The following PCSK5 variants were observed in gnomAD, a reference collection of about 807,000 sequenced individuals.
The protein encoded by PCSK5 is prohormone convertase 5.
A neutral mutation model predicts 233.2 loss-of-function variants in PCSK5; 129 were observed. That is an observed-to-expected ratio of 0.55 (90% CI 0.48 to 0.64). The LOEUF is 0.64. PCSK5 is among the 30% of genes least tolerant of loss of function. The pLI is 0.00. For synonymous variants in PCSK5, 825 were observed against 879.2 expected (o/e 0.94, Z 1.09); for missense variants, 2,076 against 2,430.1 (o/e 0.85, Z 3.06).
At chr9:76,339,542 A>G (rs1489293410) in intron 35 of PCSK5, among the ~76,000 whole-genome samples, 1 of 151,964 alleles carries the variant, frequency 6.6e-6, no homozygotes, top group East Asian at 1.9e-4. Flanking sequence ...TAAACTTTTA[A>G]TAAGTGTTTT....
chr9:76,120,787 A>G (rs986584513), intron 9 of PCSK5, among the ~76,000 whole-genome samples: 10 of 151,972 alleles, frequency 6.6e-5, no homozygotes, highest in African/African-American at 2.2e-4. Context: ...ATTAGTCATT[A>G]TAAGTTCAGA....
chr9:76,315,153 C>G (rs967528287), intron 30 of PCSK5, among the ~76,000 whole-genome samples: 1 of 152,058 alleles, frequency 6.6e-6, no homozygotes, highest in Admixed American at 6.5e-5. Context: ...GGGGTTTCAC[C>G]ACGTTGGCCA....
At chr9:76,325,644 C>CTTTCTTTTTTTTTTTTT (rs1230191426) in intron 32 of PCSK5, among the ~76,000 whole-genome samples, 2,474 of 150,192 alleles carry the variant, frequency 0.016, 94 homozygotes, top group African/African-American at 0.056. Flanking sequence ...ATTGCACTTT[C>CTTTCTTTTTTTTTTTTT]TTTTTTTTGA....
chr9:76,026,192 A>AT (rs973224659), intron 4 of PCSK5, among the ~76,000 whole-genome samples: 2 of 152,064 alleles, frequency 1.3e-5, no homozygotes, highest in East Asian at 1.9e-4. Context: ...GTAACTAGTA[A>AT]TTTTTTTTCA....
chr9:76,066,314 G>GT (rs1008992698), intron 5 of PCSK5, among the ~76,000 whole-genome samples: 1 of 151,974 alleles, frequency 6.6e-6, no homozygotes, highest in African/African-American at 2.4e-5. Flanking sequence ...TCTTTGATCC[G>GT]TTTTTTATAG....
At chr9:75,897,146 G>A (rs900746184) in intron 1 of PCSK5, among the ~76,000 whole-genome samples, 7 of 152,146 alleles carry the variant, frequency 4.6e-5, no homozygotes, top group Non-Finnish European at 1.0e-4. Flanking sequence ...AGATGAGTGT[G>A]TATTAGCTAA....
At chr9:76,026,453 A>C (rs1245159740) in intron 4 of PCSK5, among the ~76,000 whole-genome samples, 1 of 152,204 alleles carries the variant, frequency 6.6e-6, no homozygotes, top group African/African-American at 2.4e-5. Flanking sequence ...TAAAGATCGA[A>C]TATTGATTTT....
Position 76,358,538 on chromosome 9 carries a change from G to A in PCSK5, c.5280G>A (p.Lys1760=). 6.2e-7 allele frequency: 1 copy of A among 1,612,434 alleles called. No individual in the cohort carries two copies. Among genetic ancestry groups the A allele is most frequent in the Middle Eastern group, 1.7e-4 (1 of 6,058 alleles). ...ACGAATGCATCCTTCGAACAAGCAA[G>A]GTTAGGCCTGCAACTGAGCATTTCA... ...TTDECILRTS[K]VRPATEHFKT... Residue 1760 remains lysine (K), a synonymous_variant, in exon 38 of 38, where the codon AAG becomes AAA. Coordinates refer to ENST00000674117, the MANE Select transcript of PCSK5 (RefSeq NM_001372043.1).
intron 7 of PCSK5, among the ~76,000 whole-genome samples, chr9:76,075,017 C>T (rs190235524): frequency 6.0e-4 from 91 of 152,062 alleles, no homozygotes; most frequent in East Asian, 3.9e-4. Flanking sequence ...GTCAGGAGTT[C>T]GAGATCAGCC....
intron 3 of PCSK5, among the ~76,000 whole-genome samples, chr9:75,999,615 G>T (rs1440545555): frequency 2.6e-5 from 4 of 152,246 alleles, no homozygotes; most frequent in Non-Finnish European, 1.5e-5. Flanking sequence ...ATGCCTTTAA[G>T]CGGTTTTCCG....
intron 2 of PCSK5, among the ~76,000 whole-genome samples, chr9:75,964,422 A>C (rs1825488617): frequency 1.3e-5 from 2 of 152,194 alleles, no homozygotes; most frequent in South Asian, 4.2e-4. Context: ...CCTCTTTCTG[A>C]CATTATCTTA....
chr9:75,918,906 G>A (rs770781512), intron 1 of PCSK5, among the ~76,000 whole-genome samples: 3 of 151,956 alleles, frequency 2.0e-5, no homozygotes, highest in African/African-American at 4.8e-5. Flanking sequence ...CTTTCCTTTT[G>A]CATTACCTTT....
intron 10 of PCSK5, among the ~76,000 whole-genome samples, chr9:76,141,308 ACAAT>A (rs1178142595): frequency 1.3e-5 from 2 of 152,130 alleles, no homozygotes; most frequent in Non-Finnish European, 2.9e-5. Flanking sequence ...TTAAAATTCA[ACAAT>A]CATTTTCTTA....
chr9:75,918,032 CAA>C, intron 1 of PCSK5, among the ~76,000 whole-genome samples: 1 of 152,216 alleles, frequency 6.6e-6, no homozygotes, highest in Non-Finnish European at 1.5e-5. Context: ...GAGTTTTCCT[CAA>C]GATAGTTTCT....
chr9:76,137,125 C>T (rs764862806), intron 10 of PCSK5, among the ~76,000 whole-genome samples: 6 of 152,108 alleles, frequency 3.9e-5, no homozygotes, highest in Non-Finnish European at 8.8e-5. Flanking sequence ...TGGACTGGAA[C>T]AGGGAAGGGT....
intron 35 of PCSK5, among the ~76,000 whole-genome samples, chr9:76,342,737 G>C (rs1829869494): frequency 6.6e-6 from 1 of 152,066 alleles, no homozygotes; most frequent in African/African-American, 2.4e-5. Flanking sequence ...CTGATTGGAT[G>C]CTCAACAGAC....
At chr9:75,959,342 A>G (rs1825231658) in intron 2 of PCSK5, among the ~76,000 whole-genome samples, 1 of 152,166 alleles carries the variant, frequency 6.6e-6, no homozygotes, top group Non-Finnish European at 1.5e-5. Flanking sequence ...GTGTGTGAAT[A>G]TGGAGCAAGT....
At chr9:76,022,889 T>C (rs576467490) in intron 3 of PCSK5, among the ~76,000 whole-genome samples, 2 of 152,310 alleles carry the variant, frequency 1.3e-5, no homozygotes, top group East Asian at 1.9e-4. Flanking sequence ...CTACAAATTA[T>C]GGTACAATAG....
chr9:76,332,716 T>G, intron 34 of PCSK5, 106 bp downstream of exon 34: 1 of 853,224 alleles, frequency 1.2e-6, no homozygotes, highest in Non-Finnish European at 1.8e-6. Context: ...TAAAACCAGG[T>G]TGAAGTCTCA....
Sources: gnomAD v4.1 joint callset for allele counts (sites outside exome capture counted in the v4.1 genomes callset) on GRCh38, gnomAD v4.1.1 for gene constraint, MANE v1.5 for transcripts, NCBI Gene and HGNC (gene_info 2026-07-23, HGNC 2026-07-21) for gene names.